Variants in SNX29 observed in about 807,000 individuals in gnomAD.
The protein encoded by SNX29 is sorting nexin-29.
Under a neutral mutation model 102.1 loss-of-function variants are expected in SNX29, and 78 were observed. The observed-to-expected ratio is 0.76, with a 90% CI of 0.64 to 0.92. The LOEUF is 0.92. Among genes scored for constraint, SNX29 ranks in the 40% least tolerant of loss-of-function variants. The pLI is 0.00. For missense variants in SNX29, 1,280 were observed against 1,061.7 expected (o/e 1.21, Z -2.86); for synonymous variants, 580 against 414.5 (o/e 1.40, Z -4.85).
chr16:12,206,489 A>G (rs922041319), intron 14 of SNX29, among the ~76,000 whole-genome samples: 9 of 151,610 alleles, frequency 5.9e-5, no homozygotes, highest in African/African-American at 2.2e-4. Context: ...ACACGATGTC[A>G]CTGTTTGCAG....
Position 12,051,947 on chromosome 16 carries a change from A to C in SNX29, c.849A>C (p.Lys283Asn). The change falls in exon 8 of 21, where the codon AAA becomes AAC. Residue 283 changes from lysine to asparagine, a missense_variant. Transcript: ENST00000566228. ...EDEQNSGDVF[K>N]KTPGAGESSE... ...AGCAGAACTCTGGGGACGTGTTTAA[A>C]AAGACACCTGGGGCAGGGGAGAGCT... 6.2e-7 allele frequency: 1 copy of C among 1,613,934 alleles called. No individual in the cohort carries two copies. Among genetic ancestry groups the C allele is most frequent in the South Asian group, 1.1e-5 (1 of 91,074 alleles).
chr16:12,368,600 A>G (rs2082571191), intron 16 of SNX29, among the ~76,000 whole-genome samples: 1 of 152,130 alleles, frequency 6.6e-6, no homozygotes. Context: ...GCTTCACTTC[A>G]TGGTTATTTG....
chr16:12,497,301 T>C (rs1434998766), intron 19 of SNX29, among the ~76,000 whole-genome samples: 1 of 152,268 alleles, frequency 6.6e-6, no homozygotes, highest in Non-Finnish European at 1.5e-5. Context: ...GTATTGAATA[T>C]CTATCATACA....
In SNX29 at chr16:12,572,760, G is replaced by A. The variant is rs1280137137; in HGVS notation, c.*4131G>A. On this transcript the variant is annotated 3_prime_UTR_variant, in exon 21 of 21. Coordinates refer to ENST00000566228, the MANE Select transcript of SNX29 (RefSeq NM_032167.5). ...GAAGGGCTGGGTTTTCAGCTTCTGGGACCCGAGGAAGACCCCACCTCACTC... is the reference window on the plus strand; with the variant it reads ...GAAGGGCTGGGTTTTCAGCTTCTGGAACCCGAGGAAGACCCCACCTCACTC... 9 of 1,063,904 alleles carry A rather than the reference G, an allele frequency of 8.5e-6. No homozygotes were observed. Among genetic ancestry groups the A allele is most frequent in the Non-Finnish European group, 1.0e-5 (9 of 878,494 alleles). 65.9% of individuals were successfully genotyped at this position (1,063,904 alleles called of 1,614,324 possible). A position where few individuals can be genotyped will look rare whatever the true frequency, so the allele number is the denominator to read the frequency against.
Position 12,461,061 on chromosome 16 carries a change from C to T in SNX29, c.2038-16658C>T, listed in dbSNP as rs1410926898. Among the ~76,000 whole-genome samples the T allele has an allele frequency of 3.9e-5, 6 of 152,300 alleles. No individual in the cohort carries two copies. In the East Asian group the frequency reaches 5.8e-4, roughly 15 times the overall value. ...CAAACACAGTCCTAGAAGTTAGATG[C>T]GATAATTGCCCACATTTTACATTAA... On this transcript the variant is annotated intron_variant, in intron 18 of 20. Coordinates refer to ENST00000566228, the MANE Select transcript of SNX29 (RefSeq NM_032167.5).
intron 14 of SNX29, among the ~76,000 whole-genome samples, chr16:12,220,202 C>T (rs543192764): frequency 3.9e-4 from 60 of 152,166 alleles, no homozygotes; most frequent in African/African-American, 1.3e-3. Flanking sequence ...GCAGGTGTGG[C>T]TGGATCCAGG....
At chr16:12,163,125 G>A (rs771082038) in intron 13 of SNX29, among the ~76,000 whole-genome samples, 5 of 152,128 alleles carry the variant, frequency 3.3e-5, no homozygotes, top group Admixed American at 6.5e-5. Flanking sequence ...CAGGTGATAC[G>A]CCCACCTTGG....
At chr16:12,406,297 C>T (rs2084163740) in intron 18 of SNX29, among the ~76,000 whole-genome samples, 1 of 152,182 alleles carries the variant, frequency 6.6e-6, no homozygotes, top group African/African-American at 2.4e-5. Context: ...TTGGATAATT[C>T]TGTTGCTAAT....
intron 13 of SNX29, among the ~76,000 whole-genome samples, chr16:12,164,145 T>C (rs2055910612): frequency 6.6e-6 from 1 of 151,798 alleles, no homozygotes; most frequent in African/African-American, 2.4e-5. Flanking sequence ...AGGAACCAGC[T>C]CTCCCAGTGT....
At chr16:12,060,670 T>C in intron 8 of SNX29, 1 of 422,294 alleles carries the variant, frequency 2.4e-6, no homozygotes. Flanking sequence ...TTGATACAGA[T>C]GTAATGCAGA....
chr16:12,386,548 C>G (rs1567510294), intron 16 of SNX29, among the ~76,000 whole-genome samples: 1 of 152,186 alleles, frequency 6.6e-6, no homozygotes, highest in Non-Finnish European at 1.5e-5. Flanking sequence ...AACCAGAATA[C>G]TGTCCCAGAT....
At chr16:12,551,534 G>A (rs2077977231) in intron 20 of SNX29, among the ~76,000 whole-genome samples, 1 of 152,154 alleles carries the variant, frequency 6.6e-6, no homozygotes. Flanking sequence ...AAGTTCCCCA[G>A]GTAATTCTAA....
At position 12,505,259 on chromosome 16, in the gene SNX29, C is replaced by G. The variant is rs563510459; in HGVS notation, c.2179-19443C>G. Among the ~76,000 whole-genome samples, 3 of 152,280 alleles carry G rather than the reference C, an allele frequency of 2.0e-5. No individual in the cohort carries two copies. The South Asian group carries it at 6.2e-4, about 32-fold the overall frequency. On this transcript the variant is annotated intron_variant, in intron 19 of 20. Coordinates refer to ENST00000566228, the MANE Select transcript of SNX29 (RefSeq NM_032167.5). ...TTCAGGCTGCTGTGAGAGAATATCA[C>G]AAACTGGGTGGTTTACAAATAACAG... is the stretch of plus-strand genomic sequence containing the variant.
chr16:12,411,531 T>G (rs2151547091), intron 18 of SNX29, among the ~76,000 whole-genome samples: 1 of 152,346 alleles, frequency 6.6e-6, no homozygotes, highest in South Asian at 2.1e-4. Context: ...TCTTTCTGCT[T>G]TATCTTTCCA....
At chr16:12,050,164 G>GT (rs1458091003) in intron 7 of SNX29, among the ~76,000 whole-genome samples, 2 of 152,168 alleles carry the variant, frequency 1.3e-5, no homozygotes, top group African/African-American at 4.8e-5. Context: ...CACAGGAGTA[G>GT]AAGTTCCACC....
chr16:12,432,972 C>T (rs1479556875), intron 18 of SNX29, among the ~76,000 whole-genome samples: 1 of 152,174 alleles, frequency 6.6e-6, no homozygotes, highest in African/African-American at 2.4e-5. Flanking sequence ...GGGCCTGGGC[C>T]ATGGCATGGG....
chr16:12,194,591 G>A (rs2076722711), intron 13 of SNX29, among the ~76,000 whole-genome samples: 2 of 146,284 alleles, frequency 1.4e-5, no homozygotes, highest in South Asian at 2.2e-4. Flanking sequence ...ATCATTATGT[G>A]TGATGTTACT....
At chr16:12,350,781 G>A (rs1482975499) in intron 15 of SNX29, among the ~76,000 whole-genome samples, 6 of 152,104 alleles carry the variant, frequency 3.9e-5, no homozygotes, top group Non-Finnish European at 8.8e-5. Flanking sequence ...CAGTCACCGT[G>A]GGCTTTAAAA....
intron 4 of SNX29, among the ~76,000 whole-genome samples, chr16:12,032,200 CTTCTT>C (rs2057364344): frequency 7.1e-6 from 1 of 141,338 alleles, no homozygotes; most frequent in African/African-American, 2.7e-5. Flanking sequence ...TCTTCTTCTT[CTTCTT>C]TTTTTTTTTT....
Sources: allele counts gnomAD v4.1 joint callset (sites outside exome capture counted in the v4.1 genomes callset), GRCh38; gene constraint gnomAD v4.1.1; transcripts MANE v1.5; gene names NCBI Gene and HGNC (gene_info 2026-07-23, HGNC 2026-07-21).